Variants in TSHZ2 observed in about 807,000 individuals in gnomAD.
TSHZ2 encodes teashirt zinc finger homeobox 2.
TSHZ2 carries 21 observed loss-of-function variants against 74.4 expected under a neutral mutation model. That is an observed-to-expected ratio of 0.28 (90% CI 0.20 to 0.41). The LOEUF (loss-of-function observed/expected upper bound fraction) is 0.41, where lower values mean the gene tolerates loss of function less well. Among genes scored for constraint, TSHZ2 ranks in the 10% least tolerant of loss-of-function variants. The pLI, the probability that TSHZ2 is intolerant of heterozygous loss-of-function variation, is 1.00. For missense variants in TSHZ2, 1,244 were observed against 1,293.5 expected (o/e 0.96, Z 0.59); for synonymous variants, 540 against 515.3 (o/e 1.05, Z -0.65).
intron 1 of TSHZ2, among the ~76,000 whole-genome samples, chr20:52,980,275 G>A (rs778156872): frequency 1.3e-5 from 2 of 152,166 alleles, no homozygotes; most frequent in African/African-American, 2.4e-5. Context: ...AATGAGAAGC[G>A]GTGAAGCAGG....
chr20:53,050,103 G>GTATGTATATATATATATATA (rs1422702818), intron 1 of TSHZ2, among the ~76,000 whole-genome samples: 8 of 116,068 alleles, frequency 6.9e-5, no homozygotes, highest in African/African-American at 3.1e-4. Context: ...GTATATGTGT[G>GTATGTATATATATATATATA]TATATATATA....
At chr20:53,307,121 A>G (rs957572123) in intron 2 of TSHZ2, among the ~76,000 whole-genome samples, 10 of 152,184 alleles carry the variant, frequency 6.6e-5, no homozygotes, top group Admixed American at 6.5e-4. Context: ...GAGTGCGGGT[A>G]AATGACCAAT....
intron 2 of TSHZ2, among the ~76,000 whole-genome samples, chr20:53,345,369 G>A (rs1980395391): frequency 6.6e-6 from 1 of 152,056 alleles, no homozygotes; most frequent in Non-Finnish European, 1.5e-5. Context: ...TGGGAGAAAT[G>A]GGGCTAGGTG....
Position 53,254,035 on chromosome 20 carries a change from A to G in TSHZ2, c.577A>G (p.Ser193Gly), listed in dbSNP as rs1479286227. Residue 193 changes from serine (S) to glycine (G), a missense_variant, in exon 2 of 3, where the codon AGC becomes GGC. Around this residue, in one of 6 missense-constraint regions of TSHZ2, gnomAD observed 470 missense variants for 456.5 expected, o/e 1.03. Coordinates refer to ENST00000371497, the MANE Select transcript of TSHZ2 (RefSeq NM_173485.6). ...SRSVSKPSLFSSVQLYRQSSK... is the reference protein window; with the variant it reads ...SRSVSKPSLFGSVQLYRQSSK... ...GTCCGTCTCGAAACCCAGCCTGTTC[A>G]GCTCGGTGCAGTTGTACCGACAGAG... 6 of 1,614,148 alleles carry G rather than the reference A, an allele frequency of 3.7e-6. No homozygotes were observed. The South Asian group carries it at 6.6e-5, about 18-fold the overall frequency.
At chr20:53,470,911 G>C (rs1985779964) in intron 2 of TSHZ2, among the ~76,000 whole-genome samples, 1 of 152,080 alleles carries the variant, frequency 6.6e-6, no homozygotes, top group Admixed American at 6.5e-5. Flanking sequence ...CATGTGTCCT[G>C]ACCTATCACT....
At chr20:53,281,944 A>C (rs1991068975) in intron 2 of TSHZ2, among the ~76,000 whole-genome samples, 1 of 152,218 alleles carries the variant, frequency 6.6e-6, no homozygotes, top group African/African-American at 2.4e-5. Context: ...CTGGCAGAGC[A>C]GCTTCAGCGA....
chr20:53,250,733 G>A (rs778273843), intron 1 of TSHZ2, among the ~76,000 whole-genome samples: 22 of 151,830 alleles, frequency 1.4e-4, no homozygotes, highest in Admixed American at 2.6e-4. Flanking sequence ...TGGGGGAGGC[G>A]TTTGCTGTCT....
At chr20:53,239,879 T>C (rs1367262713) in intron 1 of TSHZ2, among the ~76,000 whole-genome samples, 1 of 152,170 alleles carries the variant, frequency 6.6e-6, no homozygotes, top group Non-Finnish European at 1.5e-5. Flanking sequence ...TAAAAATGTA[T>C]CTAATTTGTA....
intron 1 of TSHZ2, among the ~76,000 whole-genome samples, chr20:52,979,160 C>A (rs1176461644): frequency 6.6e-6 from 1 of 152,074 alleles, no homozygotes; most frequent in Non-Finnish European, 1.5e-5. Context: ...ACATGTAACA[C>A]TATTTTCACT....
chr20:53,391,916 G>A (rs769456748), intron 2 of TSHZ2, among the ~76,000 whole-genome samples: 7 of 151,764 alleles, frequency 4.6e-5, no homozygotes, highest in East Asian at 2.0e-4. Context: ...GCACTCCAGC[G>A]TGGGTGACAG....
At chr20:53,323,913 T>C (rs1181791910) in intron 2 of TSHZ2, among the ~76,000 whole-genome samples, 2 of 152,182 alleles carry the variant, frequency 1.3e-5, no homozygotes, top group Admixed American at 6.5e-5. Flanking sequence ...CTTGATCACA[T>C]CATTTAAGAC....
chr20:53,210,781 A>G (rs1042804509), intron 1 of TSHZ2, among the ~76,000 whole-genome samples: 5 of 152,098 alleles, frequency 3.3e-5, no homozygotes, highest in Admixed American at 6.6e-5. Context: ...TCTCCTGTCC[A>G]TATCAATAAG....
At chr20:53,052,938 G>C (rs772186753) in intron 1 of TSHZ2, among the ~76,000 whole-genome samples, 1 of 152,060 alleles carries the variant, frequency 6.6e-6, no homozygotes, top group African/African-American at 2.4e-5. Context: ...ACAGTGTTTC[G>C]CATGTTCACG....
At chr20:53,234,328 T>C (rs543614786) in intron 1 of TSHZ2, among the ~76,000 whole-genome samples, 13 of 152,322 alleles carry the variant, frequency 8.5e-5, no homozygotes, top group African/African-American at 2.6e-4. Flanking sequence ...GAAATTTTCA[T>C]TGAGTCATTC....
intron 1 of TSHZ2, among the ~76,000 whole-genome samples, chr20:53,215,752 C>T (rs908044371): frequency 2.0e-5 from 3 of 151,342 alleles, no homozygotes; most frequent in Non-Finnish European, 4.4e-5. Context: ...CCTGTAATTC[C>T]AGCTACTCAG....
chr20:53,195,813 T>C (rs1435208085), intron 1 of TSHZ2, among the ~76,000 whole-genome samples: 1 of 152,216 alleles, frequency 6.6e-6, no homozygotes, highest in East Asian at 1.9e-4. Flanking sequence ...AACTAGTATT[T>C]CACGGAGCAG....
intron 1 of TSHZ2, among the ~76,000 whole-genome samples, chr20:52,997,913 C>T (rs747013321): frequency 1.3e-5 from 2 of 152,176 alleles, no homozygotes; most frequent in African/African-American, 4.8e-5. Context: ...CAAAGTATGG[C>T]CTGCAGGCCA....
At chr20:53,200,803 T>C (rs1157270578) in intron 1 of TSHZ2, among the ~76,000 whole-genome samples, 3 of 152,230 alleles carry the variant, frequency 2.0e-5, no homozygotes, top group Non-Finnish European at 2.9e-5. Context: ...GGAGAATAGT[T>C]CTTTTCTTTT....
At chr20:53,479,844 A>C (rs1986097404) in intron 2 of TSHZ2, among the ~76,000 whole-genome samples, 2 of 152,284 alleles carry the variant, frequency 1.3e-5, no homozygotes, top group South Asian at 4.1e-4. Flanking sequence ...GAATATCTAC[A>C]ATGCATAGAC....
Sources: gnomAD v4.1 joint callset for allele counts (sites outside exome capture counted in the v4.1 genomes callset) on GRCh38, gnomAD v4.1.1 for gene constraint, gnomAD v4.1.1 regional missense constraint, MANE v1.5 for transcripts, NCBI Gene and HGNC (gene_info 2026-07-23, HGNC 2026-07-21) for gene names.